GPR174: variants seen among roughly 807,000 people sequenced by gnomAD.
GPR174 encodes G protein-coupled receptor 174, also known as probable G protein-coupled receptor 174.
Under a neutral mutation model 16.5 loss-of-function variants are expected in GPR174, and 8 were observed. That is an observed-to-expected ratio of 0.48 (90% confidence interval 0.28 to 0.87). The LOEUF (loss-of-function observed/expected upper bound fraction) is 0.87, where lower values mean the gene tolerates loss of function less well. Ranked by LOEUF, GPR174 falls within the 40% of genes least tolerant of loss-of-function variation. The pLI, the probability that GPR174 is intolerant of heterozygous loss-of-function variation, is 0.09. For missense variants in GPR174, 214 were observed against 247.5 expected, an observed-to-expected ratio of 0.86 and a Z score of 0.91; for synonymous variants, 111 against 94.8, an observed-to-expected ratio of 1.17 and a Z score of -0.99.
At position 79,173,975 on chromosome X, in the gene GPR174, T is replaced by C. The variant is rs1921579282; in HGVS notation, c.*1966T>C. On this transcript the variant is annotated 3_prime_UTR_variant, in exon 3 of 3. Transcript: ENST00000645147. The stretch of plus-strand genomic sequence containing the variant: ...GGGTACTTTTAATGTGAGAGTCTTA[T>C]CTATAGTATTTGTGCTTAGTATTTT... 8.9e-6 allele frequency: 1 copy of C among 112,012 alleles called. No homozygotes were observed. Among genetic ancestry groups the C allele is most frequent in the South Asian group, 3.7e-4 (1 of 2,710 alleles). The allele number at this position is 112,012 out of a possible 1,213,427, so 9.2% of individuals were successfully genotyped here. A position where few individuals can be genotyped will look rare whatever the true frequency, so the allele number is the denominator to read the frequency against.
intron 2 of GPR174, among the ~76,000 whole-genome samples, chrX:79,166,432 CTTTTTTTTT>C (rs1174620976): frequency 4.6e-5 from 2 of 43,627 alleles, no homozygotes; most frequent in Admixed American, 4.2e-4. Flanking sequence ...TTTCTTTTTT[CTTTTTTTTT>C]TTTTTTTTTT....
intron 2 of GPR174, among the ~76,000 whole-genome samples, chrX:79,162,859 A>C (rs1921268455): frequency 8.9e-6 from 1 of 111,965 alleles, no homozygotes; most frequent in African/African-American, 3.2e-5. Flanking sequence ...GCCAATTCCA[A>C]TGTAAATGAT....
intron 1 of GPR174, among the ~76,000 whole-genome samples, chrX:79,150,978 G>A (rs1195897728): frequency 9.0e-6 from 1 of 111,113 alleles, no homozygotes; most frequent in African/African-American, 3.3e-5. Context: ...TGAACTAAGG[G>A]TCAGCATCAG....
At chrX:79,164,074 C>T (rs1020119718) in intron 2 of GPR174, among the ~76,000 whole-genome samples, 16 of 111,424 alleles carry the variant, frequency 1.4e-4, no homozygotes, top group African/African-American at 5.2e-4. Context: ...ATATTTCATA[C>T]TTGGGGCATC....
At chrX:79,156,342 A>G (rs914186563) in intron 1 of GPR174, among the ~76,000 whole-genome samples, 2 of 112,560 alleles carry the variant, frequency 1.8e-5, no homozygotes, top group African/African-American at 6.5e-5. Context: ...GTCTCCTAGC[A>G]TGAGCTGTGC....
intron 2 of GPR174, among the ~76,000 whole-genome samples, chrX:79,160,200 CT>C (rs1003231973): frequency 9.1e-6 from 1 of 110,207 alleles, no homozygotes; most frequent in Non-Finnish European, 1.9e-5. Context: ...CCTTTTTTTT[CT>C]ACTTGATCTC....
At chrX:79,146,745 A>T (rs1926506978) in intron 1 of GPR174, among the ~76,000 whole-genome samples, 1 of 111,842 alleles carries the variant, frequency 8.9e-6, no homozygotes, top group African/African-American at 3.3e-5. Flanking sequence ...ACTGCTCCCA[A>T]TATGTCACTG....
Position 79,171,270 on chromosome X carries a change from C to T in GPR174, c.263C>T (p.Pro88Leu). ...TTGAATCATGACTGGCCATTTGGGC[C>T]TGGTCTCTGCATGTTCTGTTTCTAC... Reference protein sequence around the residue: ...YYLNHDWPFGPGLCMFCFYLK... With the variant: ...YYLNHDWPFGLGLCMFCFYLK... Residue 88 changes from proline (P) to leucine (L), a missense_variant, in exon 3 of 3, where the codon CCT (proline) becomes CTT (leucine). Transcript: ENST00000645147. 1.7e-6 allele frequency: 2 copies of T among 1,211,429 alleles called. No homozygotes were observed. Among genetic ancestry groups the T allele is most frequent in the South Asian group, 1.8e-5 (1 of 56,950 alleles).
At chrX:79,158,483 C>A (rs1921154596) in intron 2 of GPR174, among the ~76,000 whole-genome samples, 1 of 92,217 alleles carries the variant, frequency 1.1e-5, no homozygotes, top group African/African-American at 4.1e-5. Context: ...CTTGCTCTGT[C>A]GCCAGGCTGG....
chrX:79,155,583 G>A (rs1394153858), intron 1 of GPR174, among the ~76,000 whole-genome samples: 2 of 110,768 alleles, frequency 1.8e-5, no homozygotes, highest in Non-Finnish European at 3.8e-5. Context: ...CCAAGCCCTG[G>A]CTTACTGGTT....
At chrX:79,166,432 C>CTTTTTTTTTTTTTTTTTTTT (rs1174620976) in intron 2 of GPR174, among the ~76,000 whole-genome samples, 4 of 43,625 alleles carry the variant, frequency 9.2e-5, no homozygotes, top group Admixed American at 4.2e-4. Context: ...TTTCTTTTTT[C>CTTTTTTTTTTTTTTTTTTTT]TTTTTTTTTT....
In GPR174 at chrX:79,173,430, T is replaced by C. The variant is rs999098865; in HGVS notation, c.*1421T>C. 1 of 112,152 alleles carries C rather than the reference T, an allele frequency of 8.9e-6. No homozygotes were observed. Among genetic ancestry groups the C allele is most frequent in the Non-Finnish European group, 1.9e-5 (1 of 53,204 alleles). The allele number at this position is 112,152 out of a possible 1,213,427, so 9.2% of individuals were successfully genotyped here. A position where few individuals can be genotyped will look rare whatever the true frequency, so the allele number is the denominator to read the frequency against. On this transcript the variant is annotated 3_prime_UTR_variant, in exon 3 of 3. Coordinates refer to ENST00000645147, the MANE Select transcript of GPR174 (RefSeq NM_032553.3). The stretch of plus-strand genomic sequence containing the variant: ...TATTAGAATATTTTGAAACATGTTT[T>C]AGCAAAAAGCTCTAACTTTAAGAAA...
intron 2 of GPR174, among the ~76,000 whole-genome samples, chrX:79,167,438 G>A (rs988771792): frequency 5.4e-5 from 6 of 111,196 alleles, no homozygotes; most frequent in Admixed American, 4.8e-4. Context: ...GGTAAAAGCA[G>A]TGTAAGAATA....
At chrX:79,152,237 C>T (rs1055134163) in intron 1 of GPR174, among the ~76,000 whole-genome samples, 3 of 111,420 alleles carry the variant, frequency 2.7e-5, no homozygotes, top group Admixed American at 9.5e-5. Flanking sequence ...ATAAGGAATT[C>T]GAATTTGGGA....
In GPR174 at chrX:79,173,254, G is replaced by A. The variant is rs188993720; in HGVS notation, c.*1245G>A. The A allele has an allele frequency of 9.0e-6, 1 of 111,347 alleles. No homozygotes were observed. The highest frequency in any genetic ancestry group is 2.8e-4 in the East Asian group (1 of 3,549). 9.2% of individuals were successfully genotyped at this position (111,347 alleles called of 1,213,427 possible). A position where few individuals can be genotyped will look rare whatever the true frequency, so the allele number is the denominator to read the frequency against. On this transcript the variant is annotated 3_prime_UTR_variant, in exon 3 of 3. Coordinates refer to ENST00000645147, the MANE Select transcript of GPR174 (RefSeq NM_032553.3). ...GCCTAGCTCTTAGCAGCTGGGGAAG[G>A]CAATTATTTCACCTCTTGAAAAATG...
In GPR174 at chrX:79,171,496, C is replaced by A. The variant is rs927517410; in HGVS notation, c.489C>A (p.Gly163=). 1.7e-6 allele frequency: 2 copies of A among 1,211,348 alleles called. No homozygotes were observed. Among genetic ancestry groups the A allele is most frequent in the Non-Finnish European group, 2.2e-6 (2 of 895,330 alleles). ...TCAGAACCAGTGATGATACCTCTGG[C>A]AATAGGACCAAATGCTTTGTGGATC... ...PLLRTSDDTS[G]NRTKCFVDLP... is the part of the protein sequence containing the mutation. The change falls in exon 3 of 3, where the codon GGC becomes GGA. Residue 163 remains glycine, a synonymous_variant. Coordinates refer to ENST00000645147, the MANE Select transcript of GPR174 (RefSeq NM_032553.3).
intron 1 of GPR174, among the ~76,000 whole-genome samples, chrX:79,151,983 T>C (rs943518668): frequency 8.9e-6 from 1 of 111,978 alleles, no homozygotes; most frequent in African/African-American, 3.2e-5. Context: ...ATTAAAATTT[T>C]TGCTTTATTC....
rs1602346604 is a variant in GPR174, at chrX:79,174,855, G to A, written c.*2846G>A. The A allele has an allele frequency of 1.8e-5, 2 of 111,307 alleles. No homozygotes were observed. Among genetic ancestry groups the A allele is most frequent in the East Asian group, 5.6e-4 (2 of 3,547 alleles). 9.2% of individuals were successfully genotyped at this position (111,307 alleles called of 1,213,427 possible). On this transcript the variant is annotated 3_prime_UTR_variant, in exon 3 of 3. Transcript: ENST00000645147. ...AGACTTCTCATTTATCACTCTCTGG[G>A]TTCTATGAAATTGTGGTGCAAAGAG...
chrX:79,149,807 T>C (rs1926566057), intron 1 of GPR174, among the ~76,000 whole-genome samples: 1 of 97,782 alleles, frequency 1.0e-5, no homozygotes, highest in African/African-American at 3.6e-5. Context: ...GGAGACTAGA[T>C]TAAACCTCCC....
Sources: gnomAD v4.1 joint callset for allele counts (sites outside exome capture counted in the v4.1 genomes callset) on GRCh38, gnomAD v4.1.1 for gene constraint, MANE v1.5 for transcripts, NCBI Gene and HGNC (gene_info 2026-07-23, HGNC 2026-07-21) for gene names.